The following ARID3B variants were observed in gnomAD, a reference collection of about 807,000 sequenced individuals.
ARID3B encodes the protein AT-rich interaction domain 3B.
ARID3B carries 10 observed loss-of-function variants against 51.9 expected under a neutral mutation model. The observed-to-expected ratio is 0.19, with a 90% CI of 0.12 to 0.33. ARID3B has a LOEUF of 0.33. Ranked by LOEUF, ARID3B falls within the 10% of genes least tolerant of loss-of-function variation. The probability of loss-of-function intolerance (pLI) is 1.00; values close to 1 mark genes in which losing one functional copy is unlikely to be tolerated. For synonymous variants in ARID3B, 205 were observed against 279.5 expected (o/e 0.73, Z 2.66); for missense variants, 483 against 716.3 (o/e 0.67, Z 3.72).
chr15:74,577,361 A>C (rs571631074), intron 4 of ARID3B, among the ~76,000 whole-genome samples: 2 of 152,076 alleles, frequency 1.3e-5, no homozygotes, highest in East Asian at 3.9e-4. Context: ...AGGCTGAGTC[A>C]GGAGAATCAC....
intron 4 of ARID3B, among the ~76,000 whole-genome samples, chr15:74,576,429 TGTGGGAGGCTGAG>T (rs1463499050): frequency 1.3e-5 from 2 of 152,144 alleles, no homozygotes; most frequent in Non-Finnish European, 2.9e-5. Flanking sequence ...ATCCCACCAC[TGTGGGAGGCTGAG>T]GTGGGAGGCT....
intron 8 of ARID3B, 57 bp downstream of exon 8, chr15:74,593,293 C>T: frequency 6.6e-7 from 1 of 1,519,914 alleles, no homozygotes; most frequent in South Asian, 1.2e-5. Flanking sequence ...CACAGGGCAG[C>T]TCTGCGGCTG....
At chr15:74,550,441 C>T (rs1275775357) in intron 2 of ARID3B, among the ~76,000 whole-genome samples, 3 of 152,184 alleles carry the variant, frequency 2.0e-5, no homozygotes, top group East Asian at 3.9e-4. Context: ...ACCTGTAATC[C>T]CAGCACTTTG....
chr15:74,589,959 C>T lies in ARID3B; in HGVS notation c.837C>T (p.Asn279=), dbSNP rs149550526. The change falls in exon 5 of 9, where the codon AAC becomes AAT. Residue 279 remains asparagine, a synonymous_variant. Transcript: ENST00000346246. ...GGAGGGAGATCACCAAAGGCCTAAA[C>T]CTGCCCACATCCATCACCAGCGCCG... The part of the protein sequence containing the change: ...KIWREITKGL[N]LPTSITSAAF... 1.9e-5 allele frequency: 31 copies of T among 1,614,048 alleles called. No individual in the cohort carries two copies. In the African/African-American group the frequency reaches 4.0e-4, roughly 21 times the overall value.
chr15:74,549,533 A>G (rs1447718835), intron 2 of ARID3B, among the ~76,000 whole-genome samples: 3 of 149,892 alleles, frequency 2.0e-5, no homozygotes, highest in East Asian at 3.9e-4. Flanking sequence ...TGCCACTTGC[A>G]CTCCAGTTTG....
At chr15:74,558,623 T>C (rs1031927758) in intron 2 of ARID3B, among the ~76,000 whole-genome samples, 1 of 152,208 alleles carries the variant, frequency 6.6e-6, no homozygotes, top group Non-Finnish European at 1.5e-5. Context: ...GTATCAACAG[T>C]CTGCCATTCT....
chr15:74,565,667 A>G (rs757653260), intron 2 of ARID3B, among the ~76,000 whole-genome samples: 1 of 152,136 alleles, frequency 6.6e-6, no homozygotes, highest in African/African-American at 2.4e-5. Context: ...TCTCTGGGGA[A>G]GTGCAGCTCT....
In ARID3B at chr15:74,593,188, A is replaced by G. The variant is rs1567127856; in HGVS notation, c.1471A>G (p.Ile491Val). 6.2e-7 allele frequency: 1 copy of G among 1,613,786 alleles called. No homozygotes were observed. The highest frequency in any genetic ancestry group is 8.5e-7 in the Non-Finnish European group (1 of 1,179,982). ...AAALNLTTSSIGSINMSVDID... is the reference protein window; with the variant it reads ...AAALNLTTSSVGSINMSVDID... ...AGCACTGAACCTGACCACGAGTAGC[A>G]TTGGGAGCATTAACATGTCTGTGGA... is the stretch of plus-strand genomic sequence containing the variant. Residue 491 changes from isoleucine to valine, a missense_variant, in exon 8 of 9, where the codon ATT becomes GTT. This residue lies in a region of ARID3B where 265 missense variants were observed against 354.4 expected (regional missense o/e 0.75). Transcript: ENST00000346246.
intron 4 of ARID3B, among the ~76,000 whole-genome samples, chr15:74,588,201 T>C (rs1156719989): frequency 6.7e-6 from 1 of 150,144 alleles, no homozygotes; most frequent in East Asian, 2.0e-4. Flanking sequence ...ACCGCTGCAC[T>C]CCAGTCTGGG....
In ARID3B at chr15:74,556,003, G is replaced by A. The variant is rs918056337; in HGVS notation, c.552+11515G>A. On this transcript the variant is annotated intron_variant, in intron 2 of 8. Coordinates refer to ENST00000346246, the MANE Select transcript of ARID3B (RefSeq NM_006465.4). ...GAGACGGGGTTTCACCGTGTTAGCC[G>A]GGATGGTCTCGATCTCCTGACCTTG... 4.6e-5 allele frequency among the ~76,000 whole-genome samples: 7 copies of A among 151,306 alleles called. No homozygotes were observed. In the East Asian group the frequency reaches 7.8e-4, roughly 17 times the overall value.
rs201556127 is a variant in ARID3B at position 74,562,149 on chromosome 15, C to CT, written c.553-10705dup. ...ATTTTCTTTTCTTTTCTTTTCTTTTCTTTTTTTTGTGAGTTGAAGTCTTGC... is the reference window on the plus strand; with the variant it reads ...ATTTTCTTTTCTTTTCTTTTCTTTTCTTTTTTTTTGTGAGTTGAAGTCTTGC... On this transcript the variant is annotated intron_variant, in intron 2 of 8. Transcript: ENST00000346246. 3.7e-4 allele frequency among the ~76,000 whole-genome samples: 55 copies of CT among 148,554 alleles called. 1 individual carries two copies. The East Asian group carries it at 9.8e-3, about 26-fold the overall frequency.
intron 2 of ARID3B, among the ~76,000 whole-genome samples, chr15:74,553,465 T>C (rs2061645261): frequency 6.6e-6 from 1 of 152,256 alleles, no homozygotes. Flanking sequence ...TGATGTGTAG[T>C]GGTTTCATTG....
chr15:74,565,456 C>T (rs2061694244), intron 2 of ARID3B, among the ~76,000 whole-genome samples: 1 of 152,196 alleles, frequency 6.6e-6, no homozygotes, highest in East Asian at 1.9e-4. Context: ...ATATCAGGAA[C>T]CCAAGTGAAG....
intron 2 of ARID3B, among the ~76,000 whole-genome samples, chr15:74,548,372 G>A (rs961065810): frequency 6.6e-6 from 1 of 152,128 alleles, no homozygotes; most frequent in East Asian, 1.9e-4. Context: ...AGGCATGTGG[G>A]GCCAGGGTGC....
intron 4 of ARID3B, among the ~76,000 whole-genome samples, chr15:74,587,785 C>T (rs2061786677): frequency 6.6e-6 from 1 of 152,190 alleles, no homozygotes; most frequent in South Asian, 2.1e-4. Flanking sequence ...GAGAAGTCAA[C>T]CAGCACATGA....
intron 2 of ARID3B, among the ~76,000 whole-genome samples, chr15:74,552,420 C>G (rs1235237362): frequency 7.0e-6 from 1 of 142,932 alleles, no homozygotes; most frequent in Non-Finnish European, 1.5e-5. Flanking sequence ...GTCTCGAACT[C>G]CCGACCTCAG....
intron 2 of ARID3B, among the ~76,000 whole-genome samples, chr15:74,545,603 G>A (rs971560602): frequency 6.6e-6 from 1 of 152,188 alleles, no homozygotes; most frequent in East Asian, 1.9e-4. Context: ...TGCTTAGTAA[G>A]GGAGTTCATG....
intron 4 of ARID3B, among the ~76,000 whole-genome samples, chr15:74,577,045 T>C (rs748699143): frequency 1.3e-5 from 2 of 152,220 alleles, no homozygotes; most frequent in Non-Finnish European, 2.9e-5. Context: ...TTCAGGAAAC[T>C]TGCCGTGGCA....
At chr15:74,593,916 C>T (rs967007573) in intron 8 of ARID3B, among the ~76,000 whole-genome samples, 7 of 152,016 alleles carry the variant, frequency 4.6e-5, no homozygotes, top group African/African-American at 1.7e-4. Context: ...GTGGTGCACA[C>T]CTGTGGTCCC....
Sources: allele counts gnomAD v4.1 joint callset (sites outside exome capture counted in the v4.1 genomes callset), GRCh38; gene constraint gnomAD v4.1.1; regional missense constraint gnomAD v4.1.1; transcripts MANE v1.5; gene names NCBI Gene and HGNC (gene_info 2026-07-23, HGNC 2026-07-21).